The following HGF variants were observed in gnomAD, a reference collection of about 807,000 sequenced individuals.
HGF encodes fibroblast-derived tumor cytotoxic factor.
In HGF, 39 loss-of-function variants were observed where a neutral mutation model predicts 111.6. The ratio of observed to expected loss-of-function variants is 0.35; its 90% CI spans 0.27 to 0.46. The LOEUF (loss-of-function observed/expected upper bound fraction) is 0.46, where lower values mean the gene tolerates loss of function less well. Among genes scored for constraint, HGF ranks in the 20% least tolerant of loss-of-function variants. The pLI, the probability that HGF is intolerant of heterozygous loss-of-function variation, is 1.00. For synonymous variants in HGF, 285 were observed against 294.8 expected, an observed-to-expected ratio of 0.97 and a Z score of 0.34; for missense variants, 735 against 910.5, an observed-to-expected ratio of 0.81 and a Z score of 2.48.
chr7:81,716,325 T>C (rs1371657161), intron 11 of HGF, among the ~76,000 whole-genome samples: 1 of 152,172 alleles, frequency 6.6e-6, no homozygotes, highest in Admixed American at 6.6e-5. Context: ...ACATTATTAC[T>C]GCTTTTGATA....
At position 81,699,028 on chromosome 7, in the gene HGF, T is replaced by TTAA. The variant is rs1024156645; in HGVS notation, c.*3550_*3552dup. On this transcript the variant is annotated 3_prime_UTR_variant, in exon 18 of 18. Coordinates refer to ENST00000222390, the MANE Select transcript of HGF (RefSeq NM_000601.6). ...ATAAGCATTTTGATAAAATATTTTA[T>TTAA]TAATAATAATAATATAATCATGGTT... 2 of 151,340 alleles carry TTAA rather than the reference T, an allele frequency of 1.3e-5. No individual in the cohort carries two copies. Among genetic ancestry groups the TTAA allele is most frequent in the African/African-American group, 2.4e-5 (1 of 41,346 alleles). 9.4% of individuals were successfully genotyped at this position (151,340 alleles called of 1,614,324 possible).
chr7:81,701,158 AC>A lies in HGF; in HGVS notation c.*1422del, dbSNP rs1789269225. ...ATAAATATGATAATTTGGCTGTTATACAGAACACAAAATTTAAATGTCTGTT... is the reference window on the plus strand; with the variant it reads ...ATAAATATGATAATTTGGCTGTTATAAGAACACAAAATTTAAATGTCTGTT... On this transcript the variant is annotated 3_prime_UTR_variant, in exon 18 of 18. Coordinates refer to ENST00000222390, the MANE Select transcript of HGF (RefSeq NM_000601.6). The A allele has an allele frequency of 6.6e-6, 1 of 151,560 alleles. No individual in the cohort carries two copies. The highest frequency in any genetic ancestry group is 1.5e-5 in the Non-Finnish European group (1 of 67,644). 9.4% of individuals were successfully genotyped at this position (151,560 alleles called of 1,614,324 possible). A position where few individuals can be genotyped will look rare whatever the true frequency, so the allele number is the denominator to read the frequency against.
chr7:81,751,933 T>C, intron 5 of HGF, 187 bp downstream of exon 5: 3 of 1,412,844 alleles, frequency 2.1e-6, no homozygotes, highest in Non-Finnish European at 2.8e-6. Context: ...TTATTTTGCA[T>C]TAATCTGGTG....
Position 81,762,759 on chromosome 7 carries a change from C to G in HGF, c.202G>C (p.Asp68His). The G allele has an allele frequency of 6.2e-7, 1 of 1,612,670 alleles. No homozygotes were observed. The highest frequency in any genetic ancestry group is 8.5e-7 in the Non-Finnish European group (1 of 1,178,836). ...CTAGTACATCTATTAGCACATTGGTCTGCAGTATTCACTTTTTTGGTTTTT... is the reference window on the plus strand; with the variant it reads ...CTAGTACATCTATTAGCACATTGGTGTGCAGTATTCACTTTTTTGGTTTTT... ...KIKTKKVNTA[D>H]QCANRCTRNK... Residue 68 changes from aspartate (D) to histidine (H), a missense_variant, in exon 2 of 18, where the codon GAC (aspartate) becomes CAC (histidine). Around this residue, in one of 3 missense-constraint regions of HGF, gnomAD observed 553 missense variants for 685.6 expected, o/e 0.81. Transcript: ENST00000222390.
intron 7 of HGF, 69 bp downstream of exon 7, chr7:81,743,284 A>G: frequency 2.2e-6 from 2 of 891,680 alleles, no homozygotes; most frequent in Non-Finnish European, 3.8e-6. Context: ...AACCTGTCTC[A>G]CTAATAATCG....
At chr7:81,759,918 C>G (rs1253268860) in intron 2 of HGF, among the ~76,000 whole-genome samples, 1 of 152,002 alleles carries the variant, frequency 6.6e-6, no homozygotes, top group Non-Finnish European at 1.5e-5. Context: ...ACTAAAAGAA[C>G]CTATTTATAT....
intron 1 of HGF, among the ~76,000 whole-genome samples, chr7:81,763,530 C>A (rs1373076054): frequency 6.6e-6 from 1 of 152,104 alleles, no homozygotes; most frequent in African/African-American, 2.4e-5. Flanking sequence ...TTTAATGCAG[C>A]AATATCATTT....
intron 14 of HGF, 102 bp from the exon 15 acceptor site, chr7:81,706,529 T>G: frequency 2.1e-6 from 2 of 943,298 alleles, no homozygotes; most frequent in Non-Finnish European, 3.3e-6. Context: ...GCACATAACC[T>G]AAATTTAAAA....
Position 81,701,064 on chromosome 7 carries a change from C to G in HGF, c.*1517G>C, listed in dbSNP as rs4732402. 0.73 allele frequency: 109,958 copies of G among 151,386 alleles called. 41,258 individuals are homozygous for G. The highest frequency in any genetic ancestry group is 0.88 in the Middle Eastern group (258 of 292). 9.4% of individuals were successfully genotyped at this position (151,386 alleles called of 1,614,324 possible). A position where few individuals can be genotyped will look rare whatever the true frequency, so the allele number is the denominator to read the frequency against. On this transcript the variant is annotated 3_prime_UTR_variant, in exon 18 of 18. Coordinates refer to ENST00000222390, the MANE Select transcript of HGF (RefSeq NM_000601.6). ...ATTTCTGCAAAAATTCAAAGCCTAT[C>G]CTATTACTTTTTGTTATTCTATTTC...
intron 5 of HGF, chr7:81,751,341 T>C (rs1788488419): frequency 4.1e-6 from 4 of 983,990 alleles, no homozygotes; most frequent in Non-Finnish European, 4.8e-6. Flanking sequence ...AATCCGGCTA[T>C]TCAGTAGCCA....
At chr7:81,733,666 G>A (rs976691352) in intron 7 of HGF, among the ~76,000 whole-genome samples, 6 of 151,972 alleles carry the variant, frequency 3.9e-5, no homozygotes, top group South Asian at 2.1e-4. Flanking sequence ...TAATACAGGC[G>A]AATAAAGATA....
At chr7:81,748,531 G>A (rs970031279) in intron 5 of HGF, among the ~76,000 whole-genome samples, 1 of 152,168 alleles carries the variant, frequency 6.6e-6, no homozygotes, top group Non-Finnish European at 1.5e-5. Context: ...AGCAGTTCAG[G>A]TGAAACCAAG....
rs1392665640 is a variant in HGF at position 81,741,560 on chromosome 7, A to AGT, written c.865+1791_865+1792dup. On this transcript the variant is annotated intron_variant, in intron 7 of 17. Coordinates refer to ENST00000222390, the MANE Select transcript of HGF (RefSeq NM_000601.6). ...TGCCAGTTGGGTGAATATGCAGGTGAGTGTGTATGTGTGTGTGTGTGTCTG... is the reference window on the plus strand; with the variant it reads ...TGCCAGTTGGGTGAATATGCAGGTGAGTGTGTGTATGTGTGTGTGTGTGTCTG... 6.2e-5 allele frequency among the ~76,000 whole-genome samples: 9 copies of AGT among 144,802 alleles called. No individual in the cohort carries two copies. In the South Asian group the frequency reaches 2.0e-3, roughly 33 times the overall value. The allele number at this position is 144,802 out of a possible 152,430, so 95.0% of individuals were successfully genotyped here.
In HGF at chr7:81,745,022, G is replaced by T. The variant is rs202185530; in HGVS notation, c.724C>A (p.Arg242=). Residue 242 remains arginine, a synonymous_variant, in exon 6 of 18, where the codon CGG becomes AGG. Coordinates refer to ENST00000222390, the MANE Select transcript of HGF (RefSeq NM_000601.6). ...CQRWDHQTPH[R]HKFLPERYPD... is the part of the protein sequence containing the mutation. ...TACCTTTCAGGCAAGAATTTGTGCC[G>T]GTGTGGTGTCTGATGATCCCAGCGC... The T allele has an allele frequency of 6.2e-7, 1 of 1,613,952 alleles. No homozygotes were observed. Among genetic ancestry groups the T allele is most frequent in the Non-Finnish European group, 8.5e-7 (1 of 1,179,954 alleles).
chr7:81,748,309 A>G (rs1263480889), intron 5 of HGF, among the ~76,000 whole-genome samples: 1 of 152,100 alleles, frequency 6.6e-6, no homozygotes, highest in Non-Finnish European at 1.5e-5. Context: ...TTGAAGTCTC[A>G]TCTATTGGAG....
In HGF at chr7:81,710,183, C is replaced by G. The variant is rs1562873352; in HGVS notation, c.1505G>C (p.Arg502Pro). 6.2e-7 allele frequency: 1 copy of G among 1,613,006 alleles called. No homozygotes were observed. Among genetic ancestry groups the G allele is most frequent in the South Asian group, 1.1e-5 (1 of 91,068 alleles). Reference sequence around the variant, plus strand: ...ACTAACCATCCATCCTATGTTTGTTCGTGTTGGAATCCCATTTACAACTCG... The same window carrying G: ...ACTAACCATCCATCCTATGTTTGTTGGTGTTGGAATCCCATTTACAACTCG... The part of the protein sequence containing the change: ...QLRVVNGIPT[R>P]TNIGWMVSLR... Residue 502 changes from arginine (R) to proline (P), a missense_variant, in exon 13 of 18, where the codon CGA becomes CCA. Arg to Pro is a moderately radical substitution (Grantham distance 103). Coordinates refer to ENST00000222390, the MANE Select transcript of HGF (RefSeq NM_000601.6).
At chr7:81,709,817 A>G (rs1789524616) in intron 13 of HGF, among the ~76,000 whole-genome samples, 1 of 152,198 alleles carries the variant, frequency 6.6e-6, no homozygotes, top group African/African-American at 2.4e-5. Flanking sequence ...TTTAATAACA[A>G]GTATCATAAC....
chr7:81,724,530 C>T (rs1392991984), intron 9 of HGF, among the ~76,000 whole-genome samples: 1 of 152,102 alleles, frequency 6.6e-6, no homozygotes, highest in African/African-American at 2.4e-5. Context: ...CAGGATTCAA[C>T]TTTATTATTA....
intron 17 of HGF, among the ~76,000 whole-genome samples, chr7:81,702,965 G>C (rs1455356007): frequency 2.0e-5 from 3 of 151,654 alleles, no homozygotes; most frequent in Non-Finnish European, 4.4e-5. Flanking sequence ...AAAGTTTAAA[G>C]TGTTCTATTA....
Sources: gnomAD v4.1 joint callset for allele counts (sites outside exome capture counted in the v4.1 genomes callset) on GRCh38, gnomAD v4.1.1 for gene constraint, gnomAD v4.1.1 regional missense constraint, MANE v1.5 for transcripts, NCBI Gene and HGNC (gene_info 2026-07-23, HGNC 2026-07-21) for gene names.